The following NT5DC3 variants were observed in gnomAD, a reference collection of about 807,000 sequenced individuals.
NT5DC3 encodes the protein 5'-nucleotidase domain containing 3.
In NT5DC3, 42 loss-of-function variants were observed where a neutral mutation model predicts 67.8. The ratio of observed to expected loss-of-function variants is 0.62; its 90% confidence interval spans 0.48 to 0.80. The LOEUF (loss-of-function observed/expected upper bound fraction) is 0.80, where lower values mean the gene tolerates loss of function less well. Among genes scored for constraint, NT5DC3 ranks in the 30% least tolerant of loss-of-function variants. The pLI is 0.00. For missense variants in NT5DC3, 570 were observed against 696.4 expected, an observed-to-expected ratio of 0.82 and a Z score of 2.04; for synonymous variants, 237 against 255.6, an observed-to-expected ratio of 0.93 and a Z score of 0.69.
Position 103,828,702 on chromosome 12 carries a change from A to AT in NT5DC3, c.208+12246dup, listed in dbSNP as rs1431979952. Among the ~76,000 whole-genome samples the AT allele has an allele frequency of 7.1e-4, 99 of 139,520 alleles. 3 individuals are homozygous for AT. Among genetic ancestry groups the AT allele is most frequent in the African/African-American group, 1.3e-3 (49 of 38,008 alleles). The allele number at this position is 139,520 out of a possible 152,430, so 91.5% of individuals were successfully genotyped here. ...TCTCCTGCATTTTTTCTTTCTTTTT[A>AT]TTTTTTTTTTTTGGAGACGGAGTCT... On this transcript the variant is annotated intron_variant, in intron 1 of 13. Transcript: ENST00000392876.
chr12:103,796,967 A>G lies in NT5DC3; in HGVS notation c.680T>C (p.Leu227Pro), dbSNP rs1886344553. ...DIFSLPEMTL[L>P]SCVNEYFLKN... ...GAGGAAGTATTCATTCACGCAGGAC[A>G]GGAGGGTCATCTCGGGCAGGGAGAA... The change falls in exon 6 of 14, where the codon CTG becomes CCG. Residue 227 changes from leucine (L) to proline (P), a missense_variant. By Grantham distance (98) the Leu-to-Pro change is moderately conservative. Around this residue, in one of 2 missense-constraint regions of NT5DC3, gnomAD observed 466 missense variants for 608.0 expected, o/e 0.77. Coordinates refer to ENST00000392876, the MANE Select transcript of NT5DC3 (RefSeq NM_001031701.3). 1 of 1,614,162 alleles carries G rather than the reference A, an allele frequency of 6.2e-7. No individual in the cohort carries two copies. Among genetic ancestry groups the G allele is most frequent in the Non-Finnish European group, 8.5e-7 (1 of 1,179,980 alleles).
intron 1 of NT5DC3, among the ~76,000 whole-genome samples, chr12:103,815,541 C>G (rs949058034): frequency 6.6e-6 from 1 of 152,170 alleles, no homozygotes; most frequent in Non-Finnish European, 1.5e-5. Context: ...CCCAACTCAG[C>G]TTCCTGAGTT....
intron 5 of NT5DC3, among the ~76,000 whole-genome samples, chr12:103,797,681 T>C (rs1313165992): frequency 1.3e-5 from 2 of 152,132 alleles, no homozygotes; most frequent in African/African-American, 4.8e-5. Context: ...AAACAAATTA[T>C]TGCCCATAAT....
intron 1 of NT5DC3, among the ~76,000 whole-genome samples, chr12:103,840,443 C>CTCATCATCTCATCTCATCTCATCTCATT (rs1888361005): frequency 9.5e-6 from 1 of 104,752 alleles, no homozygotes; most frequent in African/African-American, 2.9e-5. Context: ...TCCATCCCAT[C>CTCATCATCTCATCTCATCTCATCTCATT]CCATCCCATC....
the NT5DC3 span, chr12:103,757,957 T>C: frequency 1.6e-6 from 1 of 631,820 alleles, no homozygotes; most frequent in Non-Finnish European, 2.7e-6. Flanking sequence ...GGCTGTGACG[T>C]GGCTGTGTCT....
At chr12:103,749,595 C>T in the NT5DC3 span, among the ~76,000 whole-genome samples, 62 of 150,724 alleles carry the variant, frequency 4.1e-4, 1 homozygote, top group Non-Finnish European at 6.1e-4. Context: ...TTTGGGAGGC[C>T]GAGGCAGATG....
the NT5DC3 span, chr12:103,757,946 G>A: frequency 1.7e-6 from 1 of 588,032 alleles, no homozygotes. Flanking sequence ...CGTGGAGGAT[G>A]GGCTGTGACG....
chr12:103,834,454 G>T (rs1394221110), intron 1 of NT5DC3, among the ~76,000 whole-genome samples: 1 of 152,188 alleles, frequency 6.6e-6, no homozygotes, highest in Non-Finnish European at 1.5e-5. Flanking sequence ...ACAGCCTAAA[G>T]AAGCCGAACA....
rs898207876 is a variant in NT5DC3, at chr12:103,774,020, A to C, written c.*3809T>G. On this transcript the variant is annotated 3_prime_UTR_variant, in exon 14 of 14. Transcript: ENST00000392876. ...TTAAAAAACAGACAGGCACTATGTT[A>C]GGGGGAAAGTGGGAGCTCTAAGCCA... 1.3e-5 allele frequency: 2 copies of C among 152,334 alleles called. No homozygotes were observed. Among genetic ancestry groups the C allele is most frequent in the African/African-American group, 4.8e-5 (2 of 41,468 alleles). 9.4% of individuals were successfully genotyped at this position (152,334 alleles called of 1,614,324 possible).
the NT5DC3 span, among the ~76,000 whole-genome samples, chr12:103,747,284 GT>G: frequency 2.6e-5 from 4 of 152,172 alleles, no homozygotes; most frequent in Admixed American, 1.3e-4. Flanking sequence ...TAGGATATAG[GT>G]TCAGCCATAC....
intron 1 of NT5DC3, among the ~76,000 whole-genome samples, chr12:103,823,790 T>C (rs190094556): frequency 1.9e-4 from 29 of 152,334 alleles, no homozygotes; most frequent in Non-Finnish European, 7.4e-5. Flanking sequence ...GAGGCAGTAT[T>C]TACCCTTTCC....
rs1041038136 is a variant in NT5DC3, at chr12:103,840,954, G to C, written c.203C>G (p.Thr68Arg). 23 of 1,356,134 alleles carry C rather than the reference G, an allele frequency of 1.7e-5. No homozygotes were observed. Among genetic ancestry groups the C allele is most frequent in the Admixed American group, 3.5e-5 (1 of 28,518 alleles). The allele number at this position is 1,356,134 out of a possible 1,614,324, so 84.0% of individuals were successfully genotyped here. A position where few individuals can be genotyped will look rare whatever the true frequency, so the allele number is the denominator to read the frequency against. Residue 68 changes from threonine to arginine, a missense_variant, in exon 1 of 14, where the codon ACA (threonine) becomes AGA (arginine). Physicochemically the swap from Thr to Arg is moderately conservative, Grantham distance 71. Coordinates refer to ENST00000392876, the MANE Select transcript of NT5DC3 (RefSeq NM_001031701.3). ...GGGGTCGCCGCCTCACTCACCTTCT[G>C]TGCTTCTCTTCGCCTCCCGGTAGCG... ...WERYREAKRS[T>R]EELVPSIMSN...
At chr12:103,831,680 C>G (rs1887932807) in intron 1 of NT5DC3, among the ~76,000 whole-genome samples, 1 of 152,092 alleles carries the variant, frequency 6.6e-6, no homozygotes, top group Non-Finnish European at 1.5e-5. Flanking sequence ...CTAGTCTTCC[C>G]TCCCAGCAGG....
At chr12:103,781,507 C>A (rs1405645878) in intron 12 of NT5DC3, among the ~76,000 whole-genome samples, 1 of 152,232 alleles carries the variant, frequency 6.6e-6, no homozygotes, top group East Asian at 1.9e-4. Flanking sequence ...CTGCTGGCTG[C>A]CCTGCCATGA....
At position 103,775,844 on chromosome 12, in the gene NT5DC3, C is replaced by G. The variant is rs576633915; in HGVS notation, c.*1985G>C. 1 of 152,304 alleles carries G rather than the reference C, an allele frequency of 6.6e-6. No individual in the cohort carries two copies. Among genetic ancestry groups the G allele is most frequent in the East Asian group, 1.9e-4 (1 of 5,180 alleles). 9.4% of individuals were successfully genotyped at this position (152,304 alleles called of 1,614,324 possible). A position where few individuals can be genotyped will look rare whatever the true frequency, so the allele number is the denominator to read the frequency against. ...GCATTACAAAGGATGCTATATAACTCATTAAGTTTCTGCCATCTGGCAAGG... is the reference window on the plus strand; with the variant it reads ...GCATTACAAAGGATGCTATATAACTGATTAAGTTTCTGCCATCTGGCAAGG... On this transcript the variant is annotated 3_prime_UTR_variant, in exon 14 of 14. Transcript: ENST00000392876.
chr12:103,829,534 A>G (rs1163510055), intron 1 of NT5DC3, among the ~76,000 whole-genome samples: 2 of 152,128 alleles, frequency 1.3e-5, no homozygotes, highest in Non-Finnish European at 2.9e-5. Context: ...TTTGGAGTAC[A>G]TCTCTTATAA....
intron 1 of NT5DC3, among the ~76,000 whole-genome samples, chr12:103,832,177 G>A (rs1012851764): frequency 6.6e-6 from 1 of 151,604 alleles, no homozygotes; most frequent in Non-Finnish European, 1.5e-5. Flanking sequence ...TCAGCGTGTG[G>A]GTATTCTATA....
intron 6 of NT5DC3, 113 bp from the exon 7 acceptor site, chr12:103,794,110 AG>A: frequency 1.3e-6 from 1 of 753,484 alleles, no homozygotes. Flanking sequence ...CTGACAATCC[AG>A]GCCCTACACA....
At chr12:103,771,722 A>T (rs779683643), downstream of NT5DC3, among the ~76,000 whole-genome samples, 4 of 152,194 alleles carry the variant, frequency 2.6e-5, no homozygotes, top group Non-Finnish European at 4.4e-5. Flanking sequence ...CACTGCCCAA[A>T]TAACTGCATT....
Sources: gnomAD v4.1 joint callset for allele counts (sites outside exome capture counted in the v4.1 genomes callset) on GRCh38, gnomAD v4.1.1 for gene constraint, gnomAD v4.1.1 regional missense constraint, MANE v1.5 for transcripts, NCBI Gene and HGNC (gene_info 2026-07-23, HGNC 2026-07-21) for gene names.